The following DLG2 variants were observed in gnomAD, a reference collection of about 807,000 sequenced individuals.
DLG2 encodes discs large MAGUK scaffold protein 2.
In DLG2, 45 loss-of-function variants were observed where a neutral mutation model predicts 132.5. The ratio of observed to expected loss-of-function variants is 0.34; its 90% CI spans 0.27 to 0.44. The LOEUF (loss-of-function observed/expected upper bound fraction) is 0.44, where lower values mean the gene tolerates loss of function less well. Among genes scored for constraint, DLG2 ranks in the 20% least tolerant of loss-of-function variants. The pLI is 1.00. For synonymous variants in DLG2, 424 were observed against 419.6 expected (o/e 1.01, Z -0.13); for missense variants, 1,045 against 1,196.9 (o/e 0.87, Z 1.87).
chr11:84,530,438 A>C (rs1591659542), intron 7 of DLG2, among the ~76,000 whole-genome samples: 1 of 152,298 alleles, frequency 6.6e-6, no homozygotes, highest in South Asian at 2.1e-4. Context: ...AAGCCAAAAA[A>C]CAATCCTTTA....
At chr11:84,596,046 A>G (rs2099555965) in intron 6 of DLG2, among the ~76,000 whole-genome samples, 1 of 152,198 alleles carries the variant, frequency 6.6e-6, no homozygotes, top group Non-Finnish European at 1.5e-5. Flanking sequence ...CATAGGAGAA[A>G]AAATATTTTT....
chr11:84,362,835 G>T (rs1188783148), intron 7 of DLG2, among the ~76,000 whole-genome samples: 1 of 152,184 alleles, frequency 6.6e-6, no homozygotes, highest in Non-Finnish European at 1.5e-5. Context: ...CAAAGGACAT[G>T]AACTCATCAT....
intron 3 of DLG2, among the ~76,000 whole-genome samples, chr11:85,502,146 T>C (rs950571049): frequency 2.0e-5 from 3 of 151,954 alleles, no homozygotes; most frequent in Non-Finnish European, 4.4e-5. Context: ...GAAACCATCA[T>C]TCTCAGCAAA....
chr11:83,483,131 A>G, intron 22 of DLG2: 1 of 780,944 alleles, frequency 1.3e-6, no homozygotes, highest in Non-Finnish European at 2.2e-6. Flanking sequence ...GCTAGGTAAC[A>G]AATAAAACTC....
rs1181284941 is a variant in DLG2 at position 85,468,357 on chromosome 11, T to C, written c.40+130300A>G. Among the ~76,000 whole-genome samples the C allele has an allele frequency of 2.0e-5, 3 of 152,208 alleles. No homozygotes were observed. In the East Asian group the frequency reaches 5.8e-4, roughly 29 times the overall value. ...GTTATTTCTTGCCTTCTGCTAGCTTTTGAATGTGTTTGCTCTTGCTTCTCT... is the reference window on the plus strand; with the variant it reads ...GTTATTTCTTGCCTTCTGCTAGCTTCTGAATGTGTTTGCTCTTGCTTCTCT... On this transcript the variant is annotated intron_variant, in intron 3 of 27. Transcript: ENST00000376104.
rs543968563 is a variant in DLG2 at position 84,836,689 on chromosome 11, G to T, written c.357+274972C>A. Among the ~76,000 whole-genome samples the T allele has an allele frequency of 3.1e-4, 47 of 151,894 alleles. No homozygotes were observed. In the South Asian group the frequency reaches 8.3e-3, roughly 27 times the overall value. Reference sequence around the variant, plus strand: ...CAGAAACCTGCCTCACCTTTATACAGTGCTGATTGCAATATAAGAAATCTT... The same window carrying T: ...CAGAAACCTGCCTCACCTTTATACATTGCTGATTGCAATATAAGAAATCTT... On this transcript the variant is annotated intron_variant, in intron 6 of 27. Transcript: ENST00000376104.
intron 16 of DLG2, among the ~76,000 whole-genome samples, chr11:83,863,775 C>G (rs1193041220): frequency 6.6e-6 from 1 of 152,056 alleles, no homozygotes; most frequent in Non-Finnish European, 1.5e-5. Context: ...ATTGCGGAGC[C>G]AGAATTTAAA....
intron 6 of DLG2, among the ~76,000 whole-genome samples, chr11:84,771,210 G>A (rs1204638559): frequency 2.0e-5 from 3 of 152,144 alleles, no homozygotes; most frequent in Non-Finnish European, 2.9e-5. Flanking sequence ...CTTCCACAAT[G>A]GTTGAACTAA....
At position 84,268,859 on chromosome 11, in the gene DLG2, C is replaced by T. The variant is rs537117072; in HGVS notation, c.520-17568G>A. ...TACATGTAAAATGCTTGGAACAGTG[C>T]ATGGCATAAAATTGGTACTCAGTAA... On this transcript the variant is annotated intron_variant, in intron 7 of 27. Coordinates refer to ENST00000376104, the MANE Select transcript of DLG2 (RefSeq NM_001142699.3). Among the ~76,000 whole-genome samples the T allele has an allele frequency of 1.1e-4, 16 of 152,264 alleles. 1 individual carries two copies. The South Asian group carries it at 3.1e-3, about 30-fold the overall frequency.
At chr11:83,780,385 A>T (rs897786640) in intron 18 of DLG2, among the ~76,000 whole-genome samples, 33 of 152,224 alleles carry the variant, frequency 2.2e-4, no homozygotes, top group Non-Finnish European at 3.8e-4. Context: ...AGTTTCACTT[A>T]TTGCTGAAAA....
chr11:84,731,463 G>A (rs552246055), intron 6 of DLG2, among the ~76,000 whole-genome samples: 1 of 152,014 alleles, frequency 6.6e-6, no homozygotes, highest in South Asian at 2.1e-4. Flanking sequence ...ATGGAGGTAG[G>A]AAGGCATAAT....
chr11:84,212,331 G>A, intron 8 of DLG2, among the ~76,000 whole-genome samples: 1 of 152,172 alleles, frequency 6.6e-6, no homozygotes, highest in African/African-American at 2.4e-5. Flanking sequence ...GCTGGATCCA[G>A]GTTCTGTGGG....
At chr11:84,339,370 T>A (rs573332474) in intron 7 of DLG2, among the ~76,000 whole-genome samples, 127 of 152,370 alleles carry the variant, frequency 8.3e-4, no homozygotes, top group African/African-American at 3.0e-3. Flanking sequence ...ATCATTTCCA[T>A]CTTATAGTTA....
At chr11:85,274,681 A>T (rs902588537) in intron 4 of DLG2, among the ~76,000 whole-genome samples, 1 of 152,180 alleles carries the variant, frequency 6.6e-6, no homozygotes, top group African/African-American at 2.4e-5. Context: ...TCTCTTCCCC[A>T]AGGTGGGTCA....
intron 14 of DLG2, among the ~76,000 whole-genome samples, chr11:83,952,576 T>C (rs959561799): frequency 6.6e-5 from 10 of 152,208 alleles, no homozygotes; most frequent in Non-Finnish European, 1.2e-4. Flanking sequence ...AATAGGAAAG[T>C]ACTTATGTAA....
intron 7 of DLG2, among the ~76,000 whole-genome samples, chr11:84,392,940 T>A (rs1430041814): frequency 6.6e-6 from 1 of 152,150 alleles, no homozygotes; most frequent in Non-Finnish European, 1.5e-5. Context: ...TATAATAGAA[T>A]TGCCTATTAA....
At chr11:84,616,180 AG>A (rs1012159036) in intron 6 of DLG2, among the ~76,000 whole-genome samples, 6 of 152,088 alleles carry the variant, frequency 3.9e-5, no homozygotes, top group Admixed American at 3.9e-4. Flanking sequence ...CAAGGTAAAA[AG>A]GTGGGGCAGT....
At position 83,980,697 on chromosome 11, in the gene DLG2, T is replaced by C. The variant is rs1311550789; in HGVS notation, c.920-55A>G. The C allele has an allele frequency of 4.9e-6, 7 of 1,438,130 alleles. No homozygotes were observed. The East Asian group carries it at 1.3e-4, about 26-fold the overall frequency. The allele number at this position is 1,438,130 out of a possible 1,614,324, so 89.1% of individuals were successfully genotyped here. ...CTTGTTTTGTTGTTGTAGTTGTTTT[T>C]AGAAAATGCAGTTAGCCACATTTTA... On this transcript the variant is annotated intron_variant, in intron 11 of 27. Transcript: ENST00000376104.
intron 3 of DLG2, among the ~76,000 whole-genome samples, chr11:85,356,817 TA>T (rs976514162): frequency 2.3e-4 from 32 of 139,842 alleles, no homozygotes; most frequent in Admixed American, 3.5e-4. Context: ...GATAGATAGA[TA>T]GATAGATAGA....
Sources: allele counts gnomAD v4.1 joint callset (sites outside exome capture counted in the v4.1 genomes callset), GRCh38; gene constraint gnomAD v4.1.1; transcripts MANE v1.5; gene names NCBI Gene and HGNC (gene_info 2026-07-23, HGNC 2026-07-21).